SUPT3H: variants seen among roughly 807,000 people sequenced by gnomAD.
SUPT3H encodes SPT3 homolog, SAGA and STAGA complex component, also known as transcription initiation protein SPT3 homolog.
Under a neutral mutation model 44.3 loss-of-function variants are expected in SUPT3H, and 44 were observed. That is an observed-to-expected ratio of 0.99 (90% CI 0.78 to 1.28). The LOEUF (loss-of-function observed/expected upper bound fraction) is 1.28. SUPT3H is among the 50% of genes most tolerant of loss of function. The pLI is 0.00. For synonymous variants in SUPT3H, 124 were observed against 125.6 expected (o/e 0.99, Z 0.09); for missense variants, 380 against 387.1 (o/e 0.98, Z 0.15).
intron 9 of SUPT3H, among the ~76,000 whole-genome samples, chr6:44,950,489 G>C (rs1248210040): frequency 6.6e-6 from 1 of 152,178 alleles, no homozygotes; most frequent in Non-Finnish European, 1.5e-5. Context: ...TGGTGTGCCT[G>C]TAGTCCCAGC....
At chr6:45,105,862 T>G in intron 3 of SUPT3H, 60 bp downstream of exon 3, 1 of 1,325,362 alleles carries the variant, frequency 7.5e-7, no homozygotes. Flanking sequence ...AGTGTTGGGT[T>G]ACCATCCTAA....
chr6:45,232,741 C>T (rs1768289158), intron 2 of SUPT3H, among the ~76,000 whole-genome samples: 1 of 152,116 alleles, frequency 6.6e-6, no homozygotes, highest in African/African-American at 2.4e-5. Flanking sequence ...TCAGGTTCTT[C>T]CACTCTCTGT....
chr6:44,839,319 A>AT (rs35612016), intron 10 of SUPT3H, among the ~76,000 whole-genome samples: 26 of 117,858 alleles, frequency 2.2e-4, no homozygotes, highest in East Asian at 3.8e-4. Flanking sequence ...CACTATTATT[A>AT]TTATTTTTTT....
At chr6:44,863,106 T>C (rs1774929952) in intron 10 of SUPT3H, among the ~76,000 whole-genome samples, 1 of 152,096 alleles carries the variant, frequency 6.6e-6, no homozygotes, top group Non-Finnish European at 1.5e-5. Context: ...CAAAATAAAA[T>C]AACAAAGTTC....
At position 45,224,939 on chromosome 6, in the gene SUPT3H, C is replaced by CTGAACACATAAAAGTATGTA. The variant is rs1261627824; in HGVS notation, c.102-118934_102-118933insTACATACTTTTATGTGTTCA. On this transcript the variant is annotated intron_variant, in intron 2 of 10. Transcript: ENST00000371459. ...ATAAAAGTTATCATTATGTGTATTT[C>CTGAACACATAAAAGTATGTA]TGAACACATAAAAGGTCCCATACAT... is the stretch of plus-strand genomic sequence containing the variant. Among the ~76,000 whole-genome samples, 8 of 152,014 alleles carry CTGAACACATAAAAGTATGTA rather than the reference C, an allele frequency of 5.3e-5. No individual in the cohort carries two copies. The East Asian group carries it at 1.5e-3, about 29-fold the overall frequency.
intron 10 of SUPT3H, among the ~76,000 whole-genome samples, chr6:44,841,779 C>T (rs1191509470): frequency 1.3e-5 from 2 of 152,196 alleles, no homozygotes; most frequent in Admixed American, 1.3e-4. Flanking sequence ...GGAAACGCCT[C>T]TCTGGCCTAC....
At chr6:45,158,814 TA>T (rs1223627708) in intron 2 of SUPT3H, 1 of 151,992 alleles carries the variant, frequency 6.6e-6, no homozygotes, top group Non-Finnish European at 1.5e-5. Context: ...AATATGTAGG[TA>T]ATGGGAAAAC....
intron 2 of SUPT3H, among the ~76,000 whole-genome samples, chr6:45,156,660 G>C (rs1186334823): frequency 1.3e-5 from 2 of 151,452 alleles, no homozygotes; most frequent in African/African-American, 4.8e-5. Context: ...TTAACCCAAA[G>C]AAACATAAAT....
intron 6 of SUPT3H, among the ~76,000 whole-genome samples, chr6:44,994,635 G>C (rs1374033230): frequency 6.6e-6 from 1 of 152,084 alleles, no homozygotes; most frequent in Non-Finnish European, 1.5e-5. Flanking sequence ...GAGATGTTGT[G>C]ACCCAAGCCT....
Position 44,828,099 on chromosome 6 carries a change from G to A in SUPT3H, c.*1717C>T, listed in dbSNP as rs1257244869. Reference sequence around the variant, plus strand: ...TATAATGTGGGAGAGAAGGAATTTTGATGTGAAAAATTATCCCCTGAAAAT... The same window carrying A: ...TATAATGTGGGAGAGAAGGAATTTTAATGTGAAAAATTATCCCCTGAAAAT... On this transcript the variant is annotated 3_prime_UTR_variant, in exon 11 of 11. Coordinates refer to ENST00000371459, the MANE Select transcript of SUPT3H (RefSeq NM_003599.4). Among the ~76,000 whole-genome samples, 1 of 152,052 alleles carries A rather than the reference G, an allele frequency of 6.6e-6. No individual in the cohort carries two copies. The highest frequency in any genetic ancestry group is 1.9e-4 in the East Asian group (1 of 5,194).
At chr6:44,968,180 G>A (rs1285449246) in intron 6 of SUPT3H, among the ~76,000 whole-genome samples, 5 of 152,094 alleles carry the variant, frequency 3.3e-5, no homozygotes, top group Non-Finnish European at 5.9e-5. Flanking sequence ...AAGGCAAAAT[G>A]CCTTTTACTA....
intron 2 of SUPT3H, among the ~76,000 whole-genome samples, chr6:45,309,189 C>A (rs1046852125): frequency 3.3e-5 from 5 of 150,326 alleles, no homozygotes; most frequent in African/African-American, 1.2e-4. Context: ...ATACAATCTC[C>A]CAGTGCCTGA....
chr6:44,824,820 CT>C (rs921783421), downstream of SUPT3H, among the ~76,000 whole-genome samples: 2 of 152,290 alleles, frequency 1.3e-5, no homozygotes, highest in East Asian at 1.9e-4. Context: ...TGCATGGTAG[CT>C]TTTTTTCCAC....
At chr6:45,215,691 G>T (rs1259041028) in intron 2 of SUPT3H, among the ~76,000 whole-genome samples, 1 of 152,038 alleles carries the variant, frequency 6.6e-6, no homozygotes, top group Non-Finnish European at 1.5e-5. Context: ...AGAAATTATG[G>T]GAAATTATTA....
intron 3 of SUPT3H, among the ~76,000 whole-genome samples, chr6:45,042,787 C>T (rs1171979805): frequency 2.8e-5 from 4 of 140,660 alleles, no homozygotes; most frequent in Non-Finnish European, 6.1e-5. Flanking sequence ...GCTATAAAGA[C>T]ACATGCACAT....
At chr6:45,252,840 G>A (rs1772621385) in intron 2 of SUPT3H, among the ~76,000 whole-genome samples, 1 of 152,060 alleles carries the variant, frequency 6.6e-6, no homozygotes, top group Non-Finnish European at 1.5e-5. Context: ...TAGAAATAAT[G>A]TATCAGAACA....
intron 9 of SUPT3H, among the ~76,000 whole-genome samples, chr6:44,951,235 G>GTTT (rs74728368): frequency 7.3e-6 from 1 of 136,674 alleles, no homozygotes; most frequent in African/African-American, 2.7e-5. Context: ...ACTAGAGAAG[G>GTTT]TTTTTTTTTT....
At chr6:44,900,517 C>T (rs554885483) in intron 10 of SUPT3H, among the ~76,000 whole-genome samples, 10 of 152,278 alleles carry the variant, frequency 6.6e-5, no homozygotes, top group South Asian at 2.1e-4. Flanking sequence ...GTAAACAAAG[C>T]GGCCAGGAAG....
chr6:45,030,168 T>A (rs1786690620), intron 3 of SUPT3H, among the ~76,000 whole-genome samples: 1 of 152,220 alleles, frequency 6.6e-6, no homozygotes, highest in Non-Finnish European at 1.5e-5. Flanking sequence ...GACAGAAGCG[T>A]ACCTTGAATT....
Sources: gnomAD v4.1 joint callset for allele counts (sites outside exome capture counted in the v4.1 genomes callset) on GRCh38, gnomAD v4.1.1 for gene constraint, MANE v1.5 for transcripts, NCBI Gene and HGNC (gene_info 2026-07-23, HGNC 2026-07-21) for gene names.